Variants in BMPR1A observed in about 807,000 individuals in gnomAD.
The protein encoded by BMPR1A is bone morphogenetic protein receptor type 1A.
A neutral mutation model predicts 66.0 loss-of-function variants in BMPR1A; 7 were observed. That is an observed-to-expected ratio of 0.11 (90% CI 0.06 to 0.20). The LOEUF (loss-of-function observed/expected upper bound fraction) is 0.20. Among genes scored for constraint, BMPR1A ranks in the 10% least tolerant of loss-of-function variants. BMPR1A has a pLI of 1.00. For missense variants in BMPR1A, 408 were observed against 669.1 expected, an observed-to-expected ratio of 0.61 and a Z score of 4.31; for synonymous variants, 200 against 229.7, an observed-to-expected ratio of 0.87 and a Z score of 1.17.
intron 1 of BMPR1A, among the ~76,000 whole-genome samples, chr10:86,802,296 C>A (rs1841823469): frequency 6.6e-6 from 1 of 152,168 alleles, no homozygotes; most frequent in East Asian, 1.9e-4. Flanking sequence ...ATCCCTTAAG[C>A]CCTGTGTACA....
chr10:86,774,981 G>A (rs1184659690), intron 1 of BMPR1A, among the ~76,000 whole-genome samples: 2 of 152,186 alleles, frequency 1.3e-5, no homozygotes, highest in Non-Finnish European at 1.5e-5. Context: ...AATACTTCCC[G>A]TGAAAGGAAG....
chr10:86,876,414 G>A (rs547240437), intron 3 of BMPR1A, among the ~76,000 whole-genome samples: 1 of 152,300 alleles, frequency 6.6e-6, no homozygotes, highest in African/African-American at 2.4e-5. Context: ...CAGGGTAATA[G>A]GTAGTCCAGG....
chr10:86,920,727 C>T (rs1317119330), intron 10 of BMPR1A, among the ~76,000 whole-genome samples: 1 of 152,048 alleles, frequency 6.6e-6, no homozygotes, highest in African/African-American at 2.4e-5. Flanking sequence ...AAAATGTAAT[C>T]CTATGTCACA....
chr10:86,767,175 T>A (rs1408045996), intron 1 of BMPR1A, among the ~76,000 whole-genome samples: 1 of 152,184 alleles, frequency 6.6e-6, no homozygotes, highest in African/African-American at 2.4e-5. Flanking sequence ...ACATTCATGA[T>A]ATAAGGTTTC....
At chr10:86,821,601 A>G (rs1228324974) in intron 1 of BMPR1A, among the ~76,000 whole-genome samples, 2 of 152,140 alleles carry the variant, frequency 1.3e-5, no homozygotes, top group African/African-American at 4.8e-5. Flanking sequence ...ACAGGAGACC[A>G]TTAACTTCAT....
chr10:86,814,414 T>C (rs1260410197), intron 1 of BMPR1A, among the ~76,000 whole-genome samples: 11 of 152,154 alleles, frequency 7.2e-5, no homozygotes, highest in Admixed American at 7.2e-4. Context: ...TTGCTTTCTT[T>C]AGAATCCTAT....
At chr10:86,900,425 CTTT>C (rs561172840) in intron 7 of BMPR1A, among the ~76,000 whole-genome samples, 6 of 137,060 alleles carry the variant, frequency 4.4e-5, no homozygotes, top group Admixed American at 7.3e-5. Flanking sequence ...TGTTATAATT[CTTT>C]TTTTTTTTTT....
intron 7 of BMPR1A, among the ~76,000 whole-genome samples, chr10:86,909,396 C>T (rs1843443790): frequency 6.6e-6 from 1 of 151,824 alleles, no homozygotes; most frequent in Non-Finnish European, 1.5e-5. Flanking sequence ...AGTTCGAGAC[C>T]AGCGTGGCCA....
At chr10:86,800,739 C>A (rs7907416) in intron 1 of BMPR1A, among the ~76,000 whole-genome samples, 2 of 152,076 alleles carry the variant, frequency 1.3e-5, no homozygotes, top group East Asian at 1.9e-4. Context: ...TAATTCTTTG[C>A]GAAAATAATG....
intron 1 of BMPR1A, among the ~76,000 whole-genome samples, chr10:86,780,941 C>T (rs1841427895): frequency 6.6e-6 from 1 of 152,082 alleles, no homozygotes; most frequent in Non-Finnish European, 1.5e-5. Context: ...TCTCAAGCTA[C>T]TTGGGCTCAA....
intron 1 of BMPR1A, among the ~76,000 whole-genome samples, chr10:86,814,145 G>A (rs1842004838): frequency 6.6e-6 from 1 of 152,022 alleles, no homozygotes; most frequent in African/African-American, 2.4e-5. Flanking sequence ...GTATTTTCCA[G>A]TATGCAATGT....
At chr10:86,922,188 C>T (rs1388121424) in intron 11 of BMPR1A, among the ~76,000 whole-genome samples, 1 of 152,106 alleles carries the variant, frequency 6.6e-6, no homozygotes, top group Non-Finnish European at 1.5e-5. Context: ...TTTTACTTAA[C>T]GTTATGACAT....
At position 86,927,037 on chromosome 10, in the gene BMPR1A, C is replaced by G; in HGVS notation, c.*3318C>G. On this transcript the variant is annotated 3_prime_UTR_variant, in exon 13 of 13. Transcript: ENST00000372037. ...ATTTTAATCAGTATTTTTACATTGCCTTTCCAGTGTCCAGAAGTGTTTCTA... is the reference window on the plus strand; with the variant it reads ...ATTTTAATCAGTATTTTTACATTGCGTTTCCAGTGTCCAGAAGTGTTTCTA... 5.3e-6 allele frequency: 1 copy of G among 187,006 alleles called. No homozygotes were observed. Among genetic ancestry groups the G allele is most frequent in the East Asian group, 8.7e-5 (1 of 11,532 alleles). The allele number at this position is 187,006 out of a possible 1,614,324, so 11.6% of individuals were successfully genotyped here.
chr10:86,871,312 T>C (rs188368568), intron 2 of BMPR1A, among the ~76,000 whole-genome samples: 47 of 152,324 alleles, frequency 3.1e-4, no homozygotes, highest in African/African-American at 1.0e-3. Flanking sequence ...TTGTTTGGTG[T>C]CTTGAGTATC....
chr10:86,850,446 A>C (rs1842551656), intron 2 of BMPR1A, among the ~76,000 whole-genome samples: 1 of 152,140 alleles, frequency 6.6e-6, no homozygotes, highest in South Asian at 2.1e-4. Context: ...GTGTACGCGC[A>C]TGTCACCTGG....
At chr10:86,880,751 C>A (rs181532120) in intron 3 of BMPR1A, among the ~76,000 whole-genome samples, 1 of 152,098 alleles carries the variant, frequency 6.6e-6, no homozygotes, top group South Asian at 2.1e-4. Flanking sequence ...AGTTCAAGTT[C>A]GGCAGGGAAA....
intron 2 of BMPR1A, among the ~76,000 whole-genome samples, chr10:86,867,242 A>G (rs1222520350): frequency 2.6e-5 from 4 of 152,258 alleles, no homozygotes; most frequent in Admixed American, 2.6e-4. Flanking sequence ...GGAAATGCTC[A>G]TTAGGTGTTT....
intron 1 of BMPR1A, among the ~76,000 whole-genome samples, chr10:86,781,821 C>T (rs908291882): frequency 7.3e-5 from 11 of 150,178 alleles, no homozygotes; most frequent in Admixed American, 1.3e-4. Flanking sequence ...ATAAAGTCCC[C>T]ATGGTTCATC....
chr10:86,827,631 G>C (rs1466087670), intron 1 of BMPR1A, among the ~76,000 whole-genome samples: 1 of 152,198 alleles, frequency 6.6e-6, no homozygotes, highest in Non-Finnish European at 1.5e-5. Flanking sequence ...CTTTTACACA[G>C]TTGTGGAATA....
Sources: gnomAD v4.1 joint callset for allele counts (sites outside exome capture counted in the v4.1 genomes callset) on GRCh38, gnomAD v4.1.1 for gene constraint, MANE v1.5 for transcripts, NCBI Gene and HGNC (gene_info 2026-07-23, HGNC 2026-07-21) for gene names.